TMEM39B: variants seen among roughly 807,000 people sequenced by gnomAD.
The protein encoded by TMEM39B is transmembrane protein 39B.
In TMEM39B, 23 loss-of-function variants were observed where a neutral mutation model predicts 52.2. That is an observed-to-expected ratio of 0.44 (90% confidence interval 0.32 to 0.62). TMEM39B has a LOEUF of 0.62. Ranked by LOEUF, TMEM39B falls within the 20% of genes least tolerant of loss-of-function variation. The pLI, the probability that TMEM39B is intolerant of heterozygous loss-of-function variation, is 0.06. For missense variants in TMEM39B, 547 were observed against 642.0 expected (o/e 0.85, Z 1.60); for synonymous variants, 285 against 264.0 (o/e 1.08, Z -0.77).
At position 32,072,961 on chromosome 1, in the gene TMEM39B, C is replaced by T. The variant is rs1639696585; in HGVS notation, c.-87C>T. ...GCTGATACCCGGGACTGGGCTGCGGCGGTTAGTCCTCTCCCGGCCGCCGTC... is the reference window on the plus strand; with the variant it reads ...GCTGATACCCGGGACTGGGCTGCGGTGGTTAGTCCTCTCCCGGCCGCCGTC... On this transcript the variant is annotated 5_prime_UTR_variant, in exon 1 of 9. Coordinates refer to ENST00000336294, the MANE Select transcript of TMEM39B (RefSeq NM_018056.4). The T allele has an allele frequency of 5.3e-6, 8 of 1,498,486 alleles. No individual in the cohort carries two copies. In the South Asian group the frequency reaches 9.7e-5, roughly 18 times the overall value. The allele number at this position is 1,498,486 out of a possible 1,614,324, so 92.8% of individuals were successfully genotyped here.
chr1:32,075,412 G>A (rs1309262987), intron 2 of TMEM39B, among the ~76,000 whole-genome samples, 191 bp from the exon 3 acceptor site: 1 of 152,154 alleles, frequency 6.6e-6, no homozygotes, highest in Non-Finnish European at 1.5e-5. Context: ...AGGGGGTGTT[G>A]GAAGACCTGA....
intron 5 of TMEM39B, among the ~76,000 whole-genome samples, chr1:32,080,879 C>G (rs1413325720): frequency 2.0e-5 from 3 of 151,436 alleles, no homozygotes; most frequent in Non-Finnish European, 4.4e-5. Context: ...ATAATGAAAA[C>G]CATTGCTGGG....
At chr1:32,088,374 G>A (rs1038185142) in intron 5 of TMEM39B, among the ~76,000 whole-genome samples, 3 of 151,790 alleles carry the variant, frequency 2.0e-5, no homozygotes, top group South Asian at 2.1e-4. Context: ...CCAAGGTCTC[G>A]CCACTGCCCT....
At chr1:32,073,899 A>G (rs965245876) in intron 1 of TMEM39B, 21 of 984,414 alleles carry the variant, frequency 2.1e-5, no homozygotes, top group Non-Finnish European at 2.5e-5. Context: ...ACTTTTTAAA[A>G]ATATGTATAT....
intron 8 of TMEM39B, among the ~76,000 whole-genome samples, 154 bp from the exon 9 acceptor site, chr1:32,102,277 A>G (rs1212984507): frequency 6.6e-6 from 1 of 152,036 alleles, no homozygotes; most frequent in African/African-American, 2.4e-5. Flanking sequence ...TGAGGTGGCA[A>G]AGTCCACATC....
chr1:32,076,957 C>T, intron 4 of TMEM39B, 111 bp downstream of exon 4: 2 of 1,367,130 alleles, frequency 1.5e-6, no homozygotes, highest in Non-Finnish European at 1.0e-6. Flanking sequence ...TTGGGGCTCC[C>T]TTTGGACTTG....
At chr1:32,080,305 T>A (rs115068010) in intron 5 of TMEM39B, among the ~76,000 whole-genome samples, 2 of 152,234 alleles carry the variant, frequency 1.3e-5, no homozygotes, top group African/African-American at 4.8e-5. Context: ...CACCAAAAGA[T>A]GGATTCATTT....
chr1:32,100,057 A>AG lies in TMEM39B; in HGVS notation c.1116-384dup, dbSNP rs1452475107. 3.3e-5 allele frequency among the ~76,000 whole-genome samples: 5 copies of AG among 152,012 alleles called. No individual in the cohort carries two copies. The East Asian group carries it at 9.6e-4, about 29-fold the overall frequency. ...ATCGAAACTCATTCTCAAAAAAAAA[A>AG]GCCCACAAAGAGTTTTAAGCAGAGG... is the stretch of plus-strand genomic sequence containing the variant. On this transcript the variant is annotated intron_variant, in intron 7 of 8. Transcript: ENST00000336294.
intron 1 of TMEM39B, 115 bp from the exon 2 acceptor site, chr1:32,074,836 C>T: frequency 1.5e-6 from 2 of 1,297,800 alleles, no homozygotes; most frequent in Non-Finnish European, 2.1e-6. Flanking sequence ...TCATAGGTCT[C>T]AGTGAGGATT....
At chr1:32,084,013 A>ACACACACACACACACACACACACAC (rs1557426912) in intron 5 of TMEM39B, among the ~76,000 whole-genome samples, 4 of 152,118 alleles carry the variant, frequency 2.6e-5, no homozygotes, top group African/African-American at 9.7e-5. Flanking sequence ...ACACACACAC[A>ACACACACACACACACACACACACAC]AATGTTCCTA....
intron 5 of TMEM39B, among the ~76,000 whole-genome samples, chr1:32,081,536 T>A (rs926928139): frequency 6.6e-6 from 1 of 152,122 alleles, no homozygotes; most frequent in African/African-American, 2.4e-5. Flanking sequence ...TCACTTGAGG[T>A]CAGGAGTTCA....
chr1:32,092,476 C>T (rs570369505), intron 6 of TMEM39B, among the ~76,000 whole-genome samples: 1 of 151,868 alleles, frequency 6.6e-6, no homozygotes, highest in African/African-American at 2.4e-5. Flanking sequence ...TTTTATTTTA[C>T]TTTTTTTATT....
At position 32,093,785 on chromosome 1, in the gene TMEM39B, A is replaced by T. The variant is rs548532777; in HGVS notation, c.928-999A>T. On this transcript the variant is annotated intron_variant, in intron 6 of 8. Coordinates refer to ENST00000336294, the MANE Select transcript of TMEM39B (RefSeq NM_018056.4). ...TTACAATCCTCCTAGCGCCTCTTGG[A>T]GGTGGTTCATGGTTGCTTTTTTTTT... 9.3e-5 allele frequency among the ~76,000 whole-genome samples: 14 copies of T among 150,726 alleles called. No homozygotes were observed. The South Asian group carries it at 2.9e-3, about 32-fold the overall frequency.
intron 5 of TMEM39B, among the ~76,000 whole-genome samples, 165 bp downstream of exon 5, chr1:32,077,483 G>A (rs982938829): frequency 6.6e-6 from 1 of 152,136 alleles, no homozygotes; most frequent in Non-Finnish European, 1.5e-5. Context: ...AGGATAATTA[G>A]CCTTTTTTTG....
At chr1:32,088,485 G>A (rs911765785) in intron 5 of TMEM39B, among the ~76,000 whole-genome samples, 4 of 151,496 alleles carry the variant, frequency 2.6e-5, no homozygotes, top group African/African-American at 9.7e-5. Context: ...GACCATGACT[G>A]CTTCTTCGTC....
At chr1:32,086,177 A>T (rs200870543) in intron 5 of TMEM39B, among the ~76,000 whole-genome samples, 1 of 152,220 alleles carries the variant, frequency 6.6e-6, no homozygotes, top group East Asian at 1.9e-4. Context: ...GAATAAAGGG[A>T]CTGACTCTTA....
intron 5 of TMEM39B, among the ~76,000 whole-genome samples, chr1:32,090,906 C>T (rs1157718615): frequency 6.6e-6 from 1 of 152,112 alleles, no homozygotes; most frequent in Non-Finnish European, 1.5e-5. Context: ...TCCCAAAGTG[C>T]TGGGATTACA....
At chr1:32,092,089 C>A in intron 6 of TMEM39B, 78 bp downstream of exon 6, 2 of 1,332,874 alleles carry the variant, frequency 1.5e-6, no homozygotes, top group Non-Finnish European at 2.1e-6. Context: ...AGTTCTCCTG[C>A]TGGCCTAACT....
chr1:32,076,084 CCTTTT>C (rs1215938822), intron 3 of TMEM39B: 59 of 290,774 alleles, frequency 2.0e-4, no homozygotes, highest in Non-Finnish European at 3.2e-4. Context: ...AGCTCAGAGT[CCTTTT>C]CTTTTCTTTT....
Sources: allele counts gnomAD v4.1 joint callset (sites outside exome capture counted in the v4.1 genomes callset), GRCh38; gene constraint gnomAD v4.1.1; transcripts MANE v1.5; gene names NCBI Gene and HGNC (gene_info 2026-07-23, HGNC 2026-07-21).